The following KCNB2 variants were observed in gnomAD, a reference collection of about 807,000 sequenced individuals.
KCNB2 encodes the protein delayed rectifier potassium channel protein.
In KCNB2, 15 loss-of-function variants were observed where a neutral mutation model predicts 61.5. That is an observed-to-expected ratio of 0.24 (90% CI 0.16 to 0.38). The LOEUF (loss-of-function observed/expected upper bound fraction) is 0.38. Among genes scored for constraint, KCNB2 ranks in the 10% least tolerant of loss-of-function variants. KCNB2 has a pLI of 1.00. For missense variants in KCNB2, 828 were observed against 1,125.2 expected (o/e 0.74, Z 3.78); for synonymous variants, 457 against 446.0 (o/e 1.02, Z -0.31).
intron 2 of KCNB2, among the ~76,000 whole-genome samples, chr8:72,882,258 C>G (rs1805722410): frequency 1.3e-5 from 2 of 152,136 alleles, no homozygotes; most frequent in South Asian, 4.1e-4. Context: ...ACCACTCTGG[C>G]CCTTGGTTTC....
rs199979226 is a variant in KCNB2 at position 72,565,133 on chromosome 8, A to ATG, written c.-93-2501_-93-2500dup. Among the ~76,000 whole-genome samples, 80 of 105,050 alleles carry ATG rather than the reference A, an allele frequency of 7.6e-4. 1 individual carries two copies. The highest frequency in any genetic ancestry group is 1.7e-3 in the South Asian group (6 of 3,452). The allele number at this position is 105,050 out of a possible 152,430, so 68.9% of individuals were successfully genotyped here. ...AGCATTTTTGTCATGTGTGATGAAA[A>ATG]TGTGTGTGTATATATATATATATGC... On this transcript the variant is annotated intron_variant, in intron 1 of 2. Transcript: ENST00000523207.
intron 2 of KCNB2, among the ~76,000 whole-genome samples, chr8:72,760,858 A>T (rs576265741): frequency 1.2e-3 from 177 of 152,240 alleles, no homozygotes; most frequent in Admixed American, 2.2e-3. Flanking sequence ...AATTTCCCAA[A>T]TTATTTCTAC....
intron 1 of KCNB2, among the ~76,000 whole-genome samples, chr8:72,539,736 C>G (rs1806163766): frequency 6.6e-6 from 1 of 152,180 alleles, no homozygotes; most frequent in East Asian, 1.9e-4. Flanking sequence ...ATCCATGCAT[C>G]CGTTGAAACT....
intron 2 of KCNB2, among the ~76,000 whole-genome samples, chr8:72,834,652 G>A (rs1809751901): frequency 6.6e-6 from 1 of 152,086 alleles, no homozygotes; most frequent in Non-Finnish European, 1.5e-5. Context: ...CTCCTGTTTG[G>A]CACAAGAGTA....
At chr8:72,603,080 A>T (rs1805382306) in intron 2 of KCNB2, among the ~76,000 whole-genome samples, 2 of 152,162 alleles carry the variant, frequency 1.3e-5, no homozygotes, top group Admixed American at 1.3e-4. Flanking sequence ...ACCTCAGGAC[A>T]TCTCTTGCAT....
At chr8:72,915,148 C>T (rs897968639) in intron 2 of KCNB2, among the ~76,000 whole-genome samples, 3 of 152,036 alleles carry the variant, frequency 2.0e-5, no homozygotes, top group South Asian at 2.1e-4. Context: ...CCTTGTGATC[C>T]GCCCCAAACT....
intron 2 of KCNB2, among the ~76,000 whole-genome samples, chr8:72,684,140 T>A (rs752752129): frequency 4.6e-5 from 7 of 152,124 alleles, no homozygotes; most frequent in Non-Finnish European, 1.0e-4. Context: ...TAGAGATACT[T>A]ATAATCTACA....
chr8:72,757,048 G>C (rs1246189613), intron 2 of KCNB2, among the ~76,000 whole-genome samples: 6 of 152,112 alleles, frequency 3.9e-5, no homozygotes, highest in African/African-American at 1.4e-4. Flanking sequence ...TTAGAAGCTT[G>C]GGAGTCAATG....
At chr8:72,822,248 G>T (rs914830209) in intron 2 of KCNB2, among the ~76,000 whole-genome samples, 1 of 152,216 alleles carries the variant, frequency 6.6e-6, no homozygotes, top group Non-Finnish European at 1.5e-5. Flanking sequence ...TGTAGTGTTT[G>T]CTGGTTAATT....
chr8:72,601,469 T>C (rs1177381532), intron 2 of KCNB2, among the ~76,000 whole-genome samples: 1 of 152,220 alleles, frequency 6.6e-6, no homozygotes, highest in Non-Finnish European at 1.5e-5. Flanking sequence ...CACAGGCCTT[T>C]CATCCAGCAG....
At chr8:72,598,942 A>G (rs2128982209) in intron 2 of KCNB2, among the ~76,000 whole-genome samples, 1 of 152,360 alleles carries the variant, frequency 6.6e-6, no homozygotes. Flanking sequence ...TCAATGAAAT[A>G]AAAGAGGATA....
At chr8:72,679,848 A>G (rs1585825565) in intron 2 of KCNB2, among the ~76,000 whole-genome samples, 1 of 152,194 alleles carries the variant, frequency 6.6e-6, no homozygotes, top group South Asian at 2.1e-4. Context: ...ATTGAACCAA[A>G]CTAACTGCCT....
chr8:72,809,423 G>C (rs886764466), intron 2 of KCNB2, among the ~76,000 whole-genome samples: 3 of 152,184 alleles, frequency 2.0e-5, no homozygotes, highest in Admixed American at 6.5e-5. Context: ...ACACACAAAA[G>C]AGACAATGTT....
At chr8:72,857,474 T>C (rs10808790) in intron 2 of KCNB2, among the ~76,000 whole-genome samples, 129,653 of 152,000 alleles carry the variant, frequency 0.85, 56,272 homozygotes, top group Middle Eastern at 0.97. Context: ...AGGACTAAAA[T>C]GGCAGTTAGT....
chr8:72,680,501 G>A (rs1293475826), intron 2 of KCNB2, among the ~76,000 whole-genome samples: 2 of 152,166 alleles, frequency 1.3e-5, no homozygotes, highest in East Asian at 1.9e-4. Flanking sequence ...TCGTATGGAC[G>A]TGGATTGGTG....
intron 2 of KCNB2, among the ~76,000 whole-genome samples, chr8:72,568,665 G>A (rs566087274): frequency 6.6e-6 from 1 of 152,286 alleles, no homozygotes; most frequent in African/African-American, 2.4e-5. Flanking sequence ...TGTGGAAGAC[G>A]AGGGCCTGAG....
At chr8:72,682,017 C>T (rs949649554) in intron 2 of KCNB2, among the ~76,000 whole-genome samples, 4 of 152,300 alleles carry the variant, frequency 2.6e-5, no homozygotes, top group South Asian at 2.1e-4. Context: ...AATTAAACGA[C>T]ATTTGACTTC....
chr8:72,822,120 G>T (rs1285973334), intron 2 of KCNB2, among the ~76,000 whole-genome samples: 1 of 152,162 alleles, frequency 6.6e-6, no homozygotes, highest in Non-Finnish European at 1.5e-5. Context: ...AAACCCTTTG[G>T]TGACCTCCCA....
intron 2 of KCNB2, among the ~76,000 whole-genome samples, chr8:72,760,403 A>C (rs1239138393): frequency 6.6e-6 from 1 of 152,198 alleles, no homozygotes; most frequent in Non-Finnish European, 1.5e-5. Flanking sequence ...AACTGAAATC[A>C]TGTAGGCCAG....
Sources: gnomAD v4.1 joint callset for allele counts (sites outside exome capture counted in the v4.1 genomes callset) on GRCh38, gnomAD v4.1.1 for gene constraint, MANE v1.5 for transcripts, NCBI Gene and HGNC (gene_info 2026-07-23, HGNC 2026-07-21) for gene names.